RTN2: variants seen among roughly 807,000 people sequenced by gnomAD.
RTN2 encodes the protein reticulon 2.
In RTN2, 36 loss-of-function variants were observed where a neutral mutation model predicts 63.7. That is an observed-to-expected ratio of 0.56 (90% confidence interval 0.43 to 0.75). The LOEUF (loss-of-function observed/expected upper bound fraction) is 0.75. Ranked by LOEUF, RTN2 falls within the 30% of genes least tolerant of loss-of-function variation. The pLI, the probability that RTN2 is intolerant of heterozygous loss-of-function variation, is 0.00. For missense variants in RTN2, 673 were observed against 705.1 expected (o/e 0.95, Z 0.52); for synonymous variants, 312 against 313.0 (o/e 1.00, Z 0.03).
chr19:45,492,908 C>G (rs948960339), intron 5 of RTN2, among the ~76,000 whole-genome samples: 20 of 151,978 alleles, frequency 1.3e-4, no homozygotes, highest in Admixed American at 4.6e-4. Flanking sequence ...TGAGTGACAG[C>G]GCTGCCTGGG....
At chr19:45,496,511 G>T (rs1599916032) in intron 1 of RTN2, 1 of 334,166 alleles carries the variant, frequency 3.0e-6, no homozygotes, top group Non-Finnish European at 5.4e-6. Flanking sequence ...CCCCGCGCGC[G>T]TCCTCGCTCC....
At chr19:45,496,524 G>A (rs867960127) in intron 1 of RTN2, 1 of 346,890 alleles carries the variant, frequency 2.9e-6, no homozygotes, top group Middle Eastern at 7.5e-4. Context: ...CTCGCTCCCG[G>A]GCGGGGCCGG....
intron 6 of RTN2, 29 bp downstream of exon 6, chr19:45,489,317 G>T: frequency 6.5e-7 from 1 of 1,544,920 alleles, no homozygotes; most frequent in Non-Finnish European, 8.7e-7. Flanking sequence ...TCAGGACAGG[G>T]GCTCAGGTCA....
At chr19:45,496,391 A>G (rs1032684885) in intron 1 of RTN2, among the ~76,000 whole-genome samples, 29 of 152,196 alleles carry the variant, frequency 1.9e-4, no homozygotes, top group Non-Finnish European at 5.9e-5. Flanking sequence ...CGGGGATGGG[A>G]TGCGAAGGCA....
At position 45,488,482 on chromosome 19, in the gene RTN2, G is replaced by A. The variant is rs199848753; in HGVS notation, c.1486C>T (p.Arg496Trp). Residue 496 changes from arginine to tryptophan, a missense_variant, in exon 9 of 11, where the codon CGG becomes TGG. By Grantham distance (101) the Arg-to-Trp change is moderately radical (BLOSUM62 -3). Coordinates refer to ENST00000245923, the MANE Select transcript of RTN2 (RefSeq NM_005619.5). ...IGLFTIPLLY[R>W]QHQAQIDQYV... is the part of the protein sequence containing the mutation. ...GGTGTCACACTCACCTGGTGCTGCC[G>A]GTACAGCAGGGGGATGGTGAATAGA... is the stretch of plus-strand genomic sequence containing the variant. The A allele has an allele frequency of 3.2e-5, 51 of 1,613,836 alleles. No homozygotes were observed. The highest frequency in any genetic ancestry group is 1.6e-4 in the Middle Eastern group (1 of 6,062).
Position 45,485,703 on chromosome 19 carries a change from C to T in RTN2, c.*5G>A, listed in dbSNP as rs1335155521. The T allele has an allele frequency of 3.1e-6, 5 of 1,612,816 alleles. No individual in the cohort carries two copies. Among genetic ancestry groups the T allele is most frequent in the Middle Eastern group, 1.6e-4 (1 of 6,074 alleles). On this transcript the variant is annotated 3_prime_UTR_variant, in exon 11 of 11. Transcript: ENST00000245923. Reference sequence around the variant, plus strand: ...GCAGGCGTCCTGCGGGCAGAGACACCGTTCTCATTCGGCTTTGGCTTTGGA... The same window carrying T: ...GCAGGCGTCCTGCGGGCAGAGACACTGTTCTCATTCGGCTTTGGCTTTGGA...
At chr19:45,487,583 G>GT (rs4031036) in intron 9 of RTN2, among the ~76,000 whole-genome samples, 2,342 of 105,748 alleles carry the variant, frequency 0.022, 112 homozygotes, top group African/African-American at 0.06. Flanking sequence ...TTATTTTTTG[G>GT]TTTTTTTTTT....
intron 9 of RTN2, 103 bp downstream of exon 9, chr19:45,488,368 G>A: frequency 1.6e-6 from 2 of 1,224,816 alleles, no homozygotes; most frequent in Non-Finnish European, 2.3e-6. Flanking sequence ...CAGGACACCT[G>A]TGTCTGGCCG....
chr19:45,496,703 C>A, intron 1 of RTN2, 89 bp downstream of exon 1: 1 of 891,848 alleles, frequency 1.1e-6, no homozygotes, highest in South Asian at 2.5e-5. Flanking sequence ...CATCCCGGCT[C>A]TCCTGCGGGC....
rs749997452 is a variant in RTN2, at chr19:45,489,565, T to TG, written c.1034-13dup. 1.0e-5 allele frequency: 16 copies of TG among 1,578,098 alleles called. No individual in the cohort carries two copies. The East Asian group carries it at 3.5e-4, about 35-fold the overall frequency. ...CAGCAGGTCCGCCACTGTGGAGGGG[T>TG]GGGGGGCATCAGGGCTTGTACCTGA... is the stretch of plus-strand genomic sequence containing the variant. On this transcript the variant is annotated splice_polypyrimidine_tract_variant and intron_variant, in intron 5 of 10. Transcript: ENST00000245923.
chr19:45,494,292 C>T lies in RTN2; in HGVS notation c.688G>A (p.Gly230Arg), dbSNP rs1243569551. Reference sequence around the variant, plus strand: ...TCTTCCAGCAATGGCTCTTCGGGCCCAGAGTTCGAATCTCGCGATCGGGAT... The same window carrying T: ...TCTTCCAGCAATGGCTCTTCGGGCCTAGAGTTCGAATCTCGCGATCGGGAT... Reference protein sequence around the residue: ...SPSRSRDSNSGPEEPLLEEEE... With the variant: ...SPSRSRDSNSRPEEPLLEEEE... Residue 230 changes from glycine to arginine, a missense_variant, in exon 4 of 11, where the codon GGG becomes AGG. Gly to Arg is a moderately radical substitution (Grantham distance 125). Transcript: ENST00000245923. This position sits in a 1 kb window ranked among gnomAD's most constrained non-coding sequence, Gnocchi z 5.3. 3.1e-6 allele frequency: 5 copies of T among 1,614,052 alleles called. No homozygotes were observed. Among genetic ancestry groups the T allele is most frequent in the East Asian group, 2.2e-5 (1 of 44,876 alleles).
chr19:45,493,262 T>A lies in RTN2; in HGVS notation c.931A>T (p.Thr311Ser). The A allele has an allele frequency of 6.2e-7, 1 of 1,612,238 alleles. No homozygotes were observed. Among genetic ancestry groups the A allele is most frequent in the Non-Finnish European group, 8.5e-7 (1 of 1,179,508 alleles). Reference protein sequence around the residue: ...TAIGWVQRGPTPPTPVLRVLL... With the variant: ...TAIGWVQRGPSPPTPVLRVLL... ...ACCCGGAGGACAGGAGTAGGGGGGG[T>A]GGGGCCCCTTTGGACCCAGCCAATG... The change falls in exon 5 of 11, where the codon ACC (threonine) becomes TCC (serine). Residue 311 changes from threonine to serine, a missense_variant. Coordinates refer to ENST00000245923, the MANE Select transcript of RTN2 (RefSeq NM_005619.5).
At position 45,494,268 on chromosome 19, in the gene RTN2, C is replaced by T. The variant is rs976824537; in HGVS notation, c.712G>A (p.Glu238Lys). The T allele has an allele frequency of 3.1e-5, 50 of 1,613,768 alleles. No individual in the cohort carries two copies. Among genetic ancestry groups the T allele is most frequent in the Non-Finnish European group, 4.2e-5 (49 of 1,180,038 alleles). The change falls in exon 4 of 11, where the codon GAG becomes AAG. Residue 238 changes from glutamate (E) to lysine (K), a missense_variant. Coordinates refer to ENST00000245923, the MANE Select transcript of RTN2 (RefSeq NM_005619.5). The surrounding 1 kb of genome is among the most constrained non-coding windows in gnomAD (Gnocchi z 5.3). Reference sequence around the variant, plus strand: ...AGTGGCCCCCACTGCTTTTCTTCCTCTTCCAGCAATGGCTCTTCGGGCCCA... The same window carrying T: ...AGTGGCCCCCACTGCTTTTCTTCCTTTTCCAGCAATGGCTCTTCGGGCCCA... ...NSGPEEPLLE[E>K]EEKQWGPLER...
chr19:45,493,256 G>A lies in RTN2; in HGVS notation c.937C>T (p.Pro313Ser). ...AGTAGAACCCGGAGGACAGGAGTAG[G>A]GGGGGTGGGGCCCCTTTGGACCCAG... is the stretch of plus-strand genomic sequence containing the variant. The part of the protein sequence containing the change: ...IGWVQRGPTP[P>S]TPVLRVLLKW... Residue 313 changes from proline (P) to serine (S), a missense_variant, in exon 5 of 11, where the codon CCT (proline) becomes TCT (serine). By Grantham distance (74) the Pro-to-Ser change is moderately conservative (BLOSUM62 -1). Coordinates refer to ENST00000245923, the MANE Select transcript of RTN2 (RefSeq NM_005619.5). 1 of 1,613,742 alleles carries A rather than the reference G, an allele frequency of 6.2e-7. No homozygotes were observed. Among genetic ancestry groups the A allele is most frequent in the Non-Finnish European group, 8.5e-7 (1 of 1,179,942 alleles).
chr19:45,485,870 G>A lies in RTN2; in HGVS notation c.1557-81C>T. ...CTGGGGACAACGGGGAAAGCTGGGT[G>A]GGAAACTGACCAAGAGCCCGAAGCC... On this transcript the variant is annotated intron_variant, in intron 10 of 10. Coordinates refer to ENST00000245923, the MANE Select transcript of RTN2 (RefSeq NM_005619.5). The A allele has an allele frequency of 3.1e-6, 4 of 1,310,008 alleles. No homozygotes were observed. In the South Asian group the frequency reaches 4.8e-5, roughly 16 times the overall value. The allele number at this position is 1,310,008 out of a possible 1,614,324, so 81.1% of individuals were successfully genotyped here.
chr19:45,493,172 T>C lies in RTN2; in HGVS notation c.1021A>G (p.Met341Val), dbSNP rs374003662. Residue 341 changes from methionine to valine, a missense_variant, in exon 5 of 11, where the codon ATG becomes GTG. Physicochemically the swap from Met to Val is conservative, Grantham distance 21 (BLOSUM62 1). Coordinates refer to ENST00000245923, the MANE Select transcript of RTN2 (RefSeq NM_005619.5). The stretch of plus-strand genomic sequence containing the variant: ...TCCGCAAGCCCACCTTTACTCCCCA[T>C]ATCGGCTCCGAGTGAGAGGCTGGGG... ...GVPSLSLGAD[M>V]GSKVADLLYW... 24 of 1,611,928 alleles carry C rather than the reference T, an allele frequency of 1.5e-5. No individual in the cohort carries two copies. The highest frequency in any genetic ancestry group is 7.6e-6 in the Non-Finnish European group (9 of 1,179,858).
intron 5 of RTN2, among the ~76,000 whole-genome samples, chr19:45,490,662 C>T (rs1405964164): frequency 1.3e-5 from 2 of 151,794 alleles, no homozygotes; most frequent in Admixed American, 6.6e-5. Context: ...CTGCAACCTC[C>T]GCTTCCTGGG....
At chr19:45,495,198 T>G (rs945782750) in intron 1 of RTN2, 59 bp from the exon 2 acceptor site, 9 of 1,584,800 alleles carry the variant, frequency 5.7e-6, no homozygotes, top group Non-Finnish European at 7.8e-6. Context: ...ATCACAGAAG[T>G]GTCCCAGTCC....
intron 5 of RTN2, 22 bp downstream of exon 5, chr19:45,493,138 C>A: frequency 6.2e-7 from 1 of 1,608,642 alleles, no homozygotes; most frequent in Non-Finnish European, 8.5e-7. Flanking sequence ...CAGCCCCCGT[C>A]CAGCCCGTTC....
Sources: allele counts gnomAD v4.1 joint callset (sites outside exome capture counted in the v4.1 genomes callset), GRCh38; gene constraint gnomAD v4.1.1; non-coding constraint Gnocchi (gnomAD v3.1); transcripts MANE v1.5; gene names NCBI Gene and HGNC (gene_info 2026-07-23, HGNC 2026-07-21).